Variants in CADPS2 observed in about 807,000 individuals in gnomAD.
The protein encoded by CADPS2 is calcium dependent secretion activator 2.
A neutral mutation model predicts 172.5 loss-of-function variants in CADPS2; 93 were observed. The ratio of observed to expected loss-of-function variants is 0.54; its 90% CI spans 0.46 to 0.64. The LOEUF is 0.64. Ranked by LOEUF, CADPS2 falls within the 30% of genes least tolerant of loss-of-function variation. The pLI is 0.00. For missense variants in CADPS2, 1,420 were observed against 1,565.9 expected (o/e 0.91, Z 1.57); for synonymous variants, 546 against 555.2 (o/e 0.98, Z 0.23).
At chr7:122,618,781 C>T (rs2075257465) in intron 5 of CADPS2, among the ~76,000 whole-genome samples, 1 of 152,178 alleles carries the variant, frequency 6.6e-6, no homozygotes, top group South Asian at 2.1e-4. Flanking sequence ...GTCACAGGTC[C>T]TGTGACTAGA....
chr7:122,800,976 A>G (rs1797499606), intron 1 of CADPS2, among the ~76,000 whole-genome samples: 2 of 147,108 alleles, frequency 1.4e-5, no homozygotes, highest in South Asian at 4.3e-4. Flanking sequence ...TGTGCGACAG[A>G]GCGAGACTCT....
intron 20 of CADPS2, among the ~76,000 whole-genome samples, chr7:122,402,124 T>C (rs1391358335): frequency 1.3e-5 from 2 of 152,184 alleles, no homozygotes; most frequent in African/African-American, 4.8e-5. Flanking sequence ...TTGTCACAGA[T>C]GGTTCCTAAC....
chr7:122,773,579 A>C (rs1256680226), intron 1 of CADPS2, among the ~76,000 whole-genome samples: 1 of 152,084 alleles, frequency 6.6e-6, no homozygotes, highest in Non-Finnish European at 1.5e-5. Flanking sequence ...AACCCAGACC[A>C]GAAGTTCAAA....
chr7:122,506,124 T>C (rs927493367), intron 9 of CADPS2, among the ~76,000 whole-genome samples: 2 of 152,198 alleles, frequency 1.3e-5, no homozygotes, highest in African/African-American at 4.8e-5. Flanking sequence ...TTGCAGCCTC[T>C]ACTCTGCCTC....
At chr7:122,776,301 G>T (rs1469832259) in intron 1 of CADPS2, among the ~76,000 whole-genome samples, 1 of 152,166 alleles carries the variant, frequency 6.6e-6, no homozygotes, top group Non-Finnish European at 1.5e-5. Context: ...TGCCATGTAA[G>T]ACATGCCTTT....
At chr7:122,558,832 ACT>A (rs143985667) in intron 7 of CADPS2, among the ~76,000 whole-genome samples, 4,229 of 152,218 alleles carry the variant, frequency 0.028, 71 homozygotes, top group South Asian at 0.055. Flanking sequence ...TTGTGCATAA[ACT>A]CTGTGATCTG....
At chr7:122,424,321 C>A (rs1391826141) in intron 17 of CADPS2, 1 of 984,464 alleles carries the variant, frequency 1.0e-6, no homozygotes, top group African/African-American at 1.7e-5. Context: ...ACATTAACTA[C>A]TTTACCTAGA....
intron 1 of CADPS2, among the ~76,000 whole-genome samples, chr7:122,845,258 T>C (rs1811672631): frequency 6.6e-6 from 1 of 152,190 alleles, no homozygotes; most frequent in Non-Finnish European, 1.5e-5. Flanking sequence ...TGTGCTAAGA[T>C]GTGACCCCTG....
chr7:122,886,458 ACT>A lies in CADPS2; in HGVS notation c.-123_-122del. On this transcript the variant is annotated 5_prime_UTR_variant, in exon 1 of 30. Transcript: ENST00000449022. ...GCAGCGGCCGCAGAACGAAAGGAAA[ACT>A]GGCCAGGGCTTTCCGGACACGTCGA... The A allele has an allele frequency of 7.6e-7, 1 of 1,324,200 alleles. No individual in the cohort carries two copies. Among genetic ancestry groups the A allele is most frequent in the Non-Finnish European group, 9.8e-7 (1 of 1,025,322 alleles). The allele number at this position is 1,324,200 out of a possible 1,614,324, so 82.0% of individuals were successfully genotyped here. A position where few individuals can be genotyped will look rare whatever the true frequency, so the allele number is the denominator to read the frequency against.
At chr7:122,596,195 C>T (rs2071747783) in intron 6 of CADPS2, among the ~76,000 whole-genome samples, 1 of 152,030 alleles carries the variant, frequency 6.6e-6, no homozygotes, top group Non-Finnish European at 1.5e-5. Context: ...TACCTTGGAA[C>T]AAAAATGCTA....
chr7:122,434,730 C>T (rs2050416532), intron 17 of CADPS2, among the ~76,000 whole-genome samples: 1 of 152,224 alleles, frequency 6.6e-6, no homozygotes, highest in African/African-American at 2.4e-5. Context: ...AAAAATTCAG[C>T]GACTCAGCGA....
chr7:122,452,976 C>T (rs2053319125), intron 14 of CADPS2, among the ~76,000 whole-genome samples: 1 of 152,126 alleles, frequency 6.6e-6, no homozygotes, highest in African/African-American at 2.4e-5. Flanking sequence ...CTGAATTATA[C>T]TGACATAATG....
In CADPS2 at chr7:122,627,792, T is replaced by C. The variant is rs147171378; in HGVS notation, c.867+1456A>G. 7.9e-4 allele frequency among the ~76,000 whole-genome samples: 120 copies of C among 152,322 alleles called. 3 individuals are homozygous for C. The East Asian group carries it at 0.021, about 27-fold the overall frequency. On this transcript the variant is annotated intron_variant, in intron 4 of 29. Transcript: ENST00000449022. ...CTGTCAGGCACATCTCTCCAGGTTC[T>C]TTATTAGCTTTAGGTCTCAGAAAAG...
intron 1 of CADPS2, among the ~76,000 whole-genome samples, chr7:122,781,511 CATTT>C (rs1212048275): frequency 1.3e-5 from 2 of 152,112 alleles, no homozygotes; most frequent in Non-Finnish European, 2.9e-5. Context: ...AGAGATTTCA[CATTT>C]ATTTCCTTCA....
intron 4 of CADPS2, among the ~76,000 whole-genome samples, chr7:122,626,636 T>C (rs913727407): frequency 1.3e-4 from 20 of 152,178 alleles, no homozygotes. Flanking sequence ...TTACTCCTTA[T>C]TGTGGGGCTA....
intron 3 of CADPS2, 74 bp from the exon 4 acceptor site, chr7:122,629,402 C>A (rs2076369067): frequency 2.9e-6 from 3 of 1,029,994 alleles, no homozygotes; most frequent in Admixed American, 2.8e-5. Flanking sequence ...CTGAGGCAGT[C>A]CCACAGACTA....
In CADPS2 at chr7:122,886,214, G is replaced by C. The variant is rs1824341960; in HGVS notation, c.124C>G (p.Arg42Gly). 1.4e-6 allele frequency: 2 copies of C among 1,475,972 alleles called. No homozygotes were observed. Among genetic ancestry groups the C allele is most frequent in the Non-Finnish European group, 1.8e-6 (2 of 1,123,046 alleles). 91.4% of individuals were successfully genotyped at this position (1,475,972 alleles called of 1,614,324 possible). Reference sequence around the variant, plus strand: ...CCGCCCGCGCGCCCCGGCGCGTCCCGCCGCCCTTCCCGAGTCGGGGCTGGA... The same window carrying C: ...CCGCCCGCGCGCCCCGGCGCGTCCCCCCGCCCTTCCCGAGTCGGGGCTGGA... ...APPAPTREGRRDAPGRAGGGG... is the reference protein window; with the variant it reads ...APPAPTREGRGDAPGRAGGGG... The change falls in exon 1 of 30, where the codon CGG (arginine) becomes GGG (glycine). Residue 42 changes from arginine to glycine, a missense_variant. Coordinates refer to ENST00000449022, the MANE Select transcript of CADPS2 (RefSeq NM_017954.11).
At chr7:122,494,183 A>AG (rs2058546205) in intron 9 of CADPS2, among the ~76,000 whole-genome samples, 1 of 152,182 alleles carries the variant, frequency 6.6e-6, no homozygotes, top group South Asian at 2.1e-4. Context: ...GCTTCTGCTG[A>AG]GGCAGCACCA....
In CADPS2 at chr7:122,357,352, A is replaced by G. The variant is rs913136799; in HGVS notation, c.3504+3436T>C. The G allele has an allele frequency of 2.0e-5, 3 of 152,268 alleles. No homozygotes were observed. The South Asian group carries it at 6.2e-4, about 32-fold the overall frequency. The allele number at this position is 152,268 out of a possible 1,614,324, so 9.4% of individuals were successfully genotyped here. ...ATAAGTTCCATTTCCCCTTATTCTT[A>G]CAGACTCCACTAATTTCCAAAGTTA... On this transcript the variant is annotated intron_variant, in intron 27 of 29. Transcript: ENST00000449022.
Sources: allele counts gnomAD v4.1 joint callset (sites outside exome capture counted in the v4.1 genomes callset), GRCh38; gene constraint gnomAD v4.1.1; transcripts MANE v1.5; gene names NCBI Gene and HGNC (gene_info 2026-07-23, HGNC 2026-07-21).